INTS8: variants seen among roughly 807,000 people sequenced by gnomAD.
INTS8 encodes the protein protein kaonashi-1.
In INTS8, 47 loss-of-function variants were observed where a neutral mutation model predicts 138.9. The ratio of observed to expected loss-of-function variants is 0.34; its 90% CI spans 0.27 to 0.43. The LOEUF (loss-of-function observed/expected upper bound fraction) is 0.43, where lower values mean the gene tolerates loss of function less well. Ranked by LOEUF, INTS8 falls within the 20% of genes least tolerant of loss-of-function variation. The pLI is 1.00. For missense variants in INTS8, 996 were observed against 1,173.0 expected (o/e 0.85, Z 2.20); for synonymous variants, 392 against 400.9 (o/e 0.98, Z 0.27).
chr8:94,842,457 C>G lies in INTS8; in HGVS notation c.1229C>G (p.Pro410Arg), dbSNP rs370672430. Residue 410 changes from proline (P) to arginine (R), a missense_variant, in exon 10 of 27, where the codon CCA becomes CGA. Transcript: ENST00000523731. ...SVQFNQLFLR[P>R]NKEKIDFLLE... ...CAATTTAACCAGCTATTTCTTAGAC[C>G]AAATAAAGAGAAAATAGACTTTCTT... is the stretch of plus-strand genomic sequence containing the variant. The G allele has an allele frequency of 3.7e-6, 6 of 1,602,306 alleles. No homozygotes were observed. Among genetic ancestry groups the G allele is most frequent in the Non-Finnish European group, 5.1e-6 (6 of 1,171,446 alleles).
chr8:94,824,857 CTT>C, intron 1 of INTS8, 34 bp from the exon 2 acceptor site: 1 of 1,335,050 alleles, frequency 7.5e-7, no homozygotes, highest in Non-Finnish European at 9.9e-7. Flanking sequence ...ATAATTAAAA[CTT>C]AAATTTAAGA....
At chr8:94,868,220 A>G (rs1374271652) in intron 20 of INTS8, among the ~76,000 whole-genome samples, 3 of 152,250 alleles carry the variant, frequency 2.0e-5, no homozygotes, top group South Asian at 4.2e-4. Context: ...TTTCCCACAC[A>G]TAGCACTTCT....
intron 26 of INTS8, among the ~76,000 whole-genome samples, chr8:94,877,135 G>T (rs932090247): frequency 6.6e-6 from 1 of 152,098 alleles, no homozygotes; most frequent in Non-Finnish European, 1.5e-5. Flanking sequence ...AATGGTGCCT[G>T]GCACATATTA....
Position 94,881,554 on chromosome 8 carries a change from T to G in INTS8, c.*1320T>G. 1.4e-6 allele frequency: 2 copies of G among 1,446,904 alleles called. No individual in the cohort carries two copies. Among genetic ancestry groups the G allele is most frequent in the Non-Finnish European group, 1.9e-6 (2 of 1,052,164 alleles). 89.6% of individuals were successfully genotyped at this position (1,446,904 alleles called of 1,614,324 possible). The stretch of plus-strand genomic sequence containing the variant: ...GGCAATCAATCACAGCACTACTTTC[T>G]GTAAAACTTTAGTAGTTCAGTGATA... On this transcript the variant is annotated 3_prime_UTR_variant, in exon 27 of 27. Transcript: ENST00000523731.
chr8:94,827,084 G>A (rs984785071), intron 2 of INTS8, among the ~76,000 whole-genome samples, 179 bp from the exon 3 acceptor site: 12 of 152,036 alleles, frequency 7.9e-5, no homozygotes, highest in South Asian at 2.1e-4. Flanking sequence ...CAGCCTGGGC[G>A]ACAGAGCGAG....
rs1586460342 is a variant in INTS8 at position 94,824,893 on chromosome 8, A to T, written c.131A>T (p.Asp44Val). ...GAATTTATTTTCTTTTAAACCCTAG[A>T]TCCTGCACCAGTTCAACTTATAGTT... ...LEKHLRKPCP[D>V]PAPVQLIVQF... is the part of the protein sequence containing the mutation. The change falls in exon 2 of 27, where the codon GAT becomes GTT. Residue 44 changes from aspartate (D) to valine (V), a missense_variant and splice_region_variant. By Grantham distance (152) the Asp-to-Val change is radical (BLOSUM62 -3). Coordinates refer to ENST00000523731, the MANE Select transcript of INTS8 (RefSeq NM_017864.4). The T allele has an allele frequency of 6.3e-7, 1 of 1,598,696 alleles. No homozygotes were observed. The highest frequency in any genetic ancestry group is 8.5e-7 in the Non-Finnish European group (1 of 1,170,730).
chr8:94,824,518 A>T (rs1814407833), intron 1 of INTS8, among the ~76,000 whole-genome samples: 1 of 152,098 alleles, frequency 6.6e-6, no homozygotes. Context: ...CCCCCTAATT[A>T]AGTGTCAAAA....
At chr8:94,857,124 G>A (rs1815779480) in intron 15 of INTS8, 146 bp downstream of exon 15, 2 of 644,024 alleles carry the variant, frequency 3.1e-6, no homozygotes, top group East Asian at 5.6e-5. Context: ...CCAGGCTGGA[G>A]TGTAATGGCG....
chr8:94,844,790 A>G (rs1235587611), intron 10 of INTS8, among the ~76,000 whole-genome samples: 13 of 135,306 alleles, frequency 9.6e-5, no homozygotes, highest in African/African-American at 1.7e-4. Flanking sequence ...GTCTCACTCT[A>G]TCACCCAGTT....
intron 15 of INTS8, among the ~76,000 whole-genome samples, chr8:94,858,333 T>G (rs1012476921): frequency 6.6e-6 from 1 of 152,222 alleles, no homozygotes; most frequent in Non-Finnish European, 1.5e-5. Context: ...GGGCATGCAG[T>G]TATAGATCAT....
intron 14 of INTS8, among the ~76,000 whole-genome samples, chr8:94,854,310 C>T (rs937458830): frequency 1.3e-5 from 2 of 151,770 alleles, no homozygotes; most frequent in Non-Finnish European, 2.9e-5. Context: ...TTTAAAGTCA[C>T]AGTCATAGGC....
chr8:94,867,388 A>T, intron 20 of INTS8, 51 bp downstream of exon 20: 1 of 1,349,704 alleles, frequency 7.4e-7, no homozygotes. Flanking sequence ...GTATTTGGAA[A>T]CCATTCTGAC....
At position 94,874,575 on chromosome 8, in the gene INTS8, T is replaced by C; in HGVS notation, c.2661T>C (p.Cys887=). ...TDQVIKRMIK[C]CSLLNCHTQV... ...AGGTAATAAAACGAATGATAAAATG[T>C]TGTTCTTTGCTGAATTGCCACACAC... The change falls in exon 23 of 27, where the codon TGT becomes TGC. Residue 887 remains cysteine, a synonymous_variant. Coordinates refer to ENST00000523731, the MANE Select transcript of INTS8 (RefSeq NM_017864.4). The C allele has an allele frequency of 6.3e-7, 1 of 1,586,718 alleles. No homozygotes were observed. The highest frequency in any genetic ancestry group is 1.1e-5 in the South Asian group (1 of 90,306).
At chr8:94,872,843 T>C (rs1006922025) in intron 21 of INTS8, among the ~76,000 whole-genome samples, 7 of 152,214 alleles carry the variant, frequency 4.6e-5, no homozygotes, top group Non-Finnish European at 5.9e-5. Context: ...TGTTTCCTAA[T>C]GAGTTGAATT....
intron 5 of INTS8, among the ~76,000 whole-genome samples, chr8:94,831,499 T>TTTTA (rs1814712552): frequency 6.7e-6 from 1 of 149,582 alleles, no homozygotes; most frequent in East Asian, 2.0e-4. Context: ...TTTTTTTTTT[T>TTTTA]GAGATGGAGT....
intron 16 of INTS8, 144 bp downstream of exon 16, chr8:94,859,776 GT>G (rs1815885968): frequency 9.8e-6 from 5 of 511,432 alleles, no homozygotes; most frequent in Non-Finnish European, 1.7e-5. Flanking sequence ...AAAGGATAGA[GT>G]TTTTGATAAT....
chr8:94,871,969 T>TA lies in INTS8; in HGVS notation c.2500_2501insA (p.Ser834TyrfsTer32). The TA allele has an allele frequency of 6.3e-7, 1 of 1,583,828 alleles. No homozygotes were observed. Among genetic ancestry groups the TA allele is most frequent in the Non-Finnish European group, 8.7e-7 (1 of 1,154,310 alleles). On this transcript the variant is annotated frameshift_variant, in exon 21 of 27. Transcript: ENST00000523731. LOFTEE classifies it high-confidence loss of function. Reference sequence around the variant, plus strand: ...ACTCAGTATAAATCCAAATAACCATTCTTGGTTAATTATCCAGGCAGATAT... The same window carrying TA: ...ACTCAGTATAAATCCAAATAACCATTACTTGGTTAATTATCCAGGCAGATAT...
At chr8:94,841,466 G>T (rs1429382078) in intron 8 of INTS8, 25 bp from the exon 9 acceptor site, 5 of 1,184,340 alleles carry the variant, frequency 4.2e-6, no homozygotes, top group Admixed American at 4.5e-5. Context: ...TTTGAAATGG[G>T]TGCAACTTTA....
At chr8:94,840,042 G>A (rs983342559) in intron 8 of INTS8, among the ~76,000 whole-genome samples, 1 of 152,230 alleles carries the variant, frequency 6.6e-6, no homozygotes, top group Non-Finnish European at 1.5e-5. Context: ...AGTGTAATGG[G>A]TAGCTAAGAC....
Sources: gnomAD v4.1 joint callset for allele counts (sites outside exome capture counted in the v4.1 genomes callset) on GRCh38, gnomAD v4.1.1 for gene constraint, MANE v1.5 for transcripts, NCBI Gene and HGNC (gene_info 2026-07-23, HGNC 2026-07-21) for gene names.